MED12L: variants seen among roughly 807,000 people sequenced by gnomAD.
The protein encoded by MED12L is mediator of RNA polymerase II transcription subunit 12-like protein.
In MED12L, 60 loss-of-function variants were observed where a neutral mutation model predicts 281.3. The observed-to-expected ratio is 0.21, with a 90% CI of 0.17 to 0.26. The LOEUF (loss-of-function observed/expected upper bound fraction) is 0.26, where lower values mean the gene tolerates loss of function less well. MED12L is among the 10% of genes least tolerant of loss of function. The pLI is 1.00. For missense variants in MED12L, 2,146 were observed against 2,680.9 expected (o/e 0.80, Z 4.41); for synonymous variants, 974 against 987.2 (o/e 0.99, Z 0.25).
rs111616407 is a variant in MED12L at position 151,392,451 on chromosome 3, C to T, written c.5609-2205C>T. ...TTGCACTCCACCCTGGGTGACAGAG[C>T]GAGACTCCATCTCAAGAAAAAAAAA... On this transcript the variant is annotated intron_variant, in intron 38 of 44. Coordinates refer to ENST00000687756, the MANE Select transcript of MED12L (RefSeq NM_001393769.1). Among the ~76,000 whole-genome samples, 5 of 130,302 alleles carry T rather than the reference C, an allele frequency of 3.8e-5. No individual in the cohort carries two copies. In the South Asian group the frequency reaches 7.2e-4, roughly 19 times the overall value. 85.5% of individuals were successfully genotyped at this position (130,302 alleles called of 152,430 possible).
intron 43 of MED12L, among the ~76,000 whole-genome samples, chr3:151,416,977 T>C (rs779078618): frequency 1.3e-5 from 2 of 152,246 alleles, no homozygotes; most frequent in Non-Finnish European, 2.9e-5. Flanking sequence ...CTCAGTCATT[T>C]ACAACAGCCA....
At chr3:151,136,201 A>G (rs1716113973) in intron 5 of MED12L, among the ~76,000 whole-genome samples, 1 of 152,216 alleles carries the variant, frequency 6.6e-6, no homozygotes, top group Non-Finnish European at 1.5e-5. Flanking sequence ...AATTTGTGAC[A>G]TATTCACTGA....
chr3:151,310,368 T>C (rs1471014568), intron 16 of MED12L, among the ~76,000 whole-genome samples: 1 of 152,242 alleles, frequency 6.6e-6, no homozygotes, highest in Non-Finnish European at 1.5e-5. Context: ...TGTTGTCTTA[T>C]CCTGCCTCTG....
intron 32 of MED12L, among the ~76,000 whole-genome samples, chr3:151,380,554 G>A (rs943010344): frequency 7.4e-5 from 11 of 148,730 alleles, no homozygotes; most frequent in South Asian, 2.1e-4. Context: ...CTGAGATCGC[G>A]CCATTGCACA....
chr3:151,152,085 G>GTTTTTTTTTTTTTT lies in MED12L; in HGVS notation c.557-4058_557-4045dup, dbSNP rs141353889. 1.3e-4 allele frequency among the ~76,000 whole-genome samples: 8 copies of GTTTTTTTTTTTTTT among 63,020 alleles called. 2 individuals carry two copies. The highest frequency in any genetic ancestry group is 5.0e-4 in the African/African-American group (8 of 16,010). 41.3% of individuals were successfully genotyped at this position (63,020 alleles called of 152,430 possible). A position where few individuals can be genotyped will look rare whatever the true frequency, so the allele number is the denominator to read the frequency against. ...AAGAATTGTGGATCAGTTGAAGGTG[G>GTTTTTTTTTTTTTT]TTTTTTTTTTTTTTTTTTTTTTTTT... On this transcript the variant is annotated intron_variant, in intron 5 of 44. Coordinates refer to ENST00000687756, the MANE Select transcript of MED12L (RefSeq NM_001393769.1).
intron 16 of MED12L, chr3:151,212,647 A>G (rs1294958372): frequency 2.6e-5 from 4 of 152,034 alleles, no homozygotes. Context: ...CATATTTAGC[A>G]TGTATCTAAT....
At chr3:151,350,766 C>T (rs73006587) in intron 17 of MED12L, among the ~76,000 whole-genome samples, 4,179 of 152,242 alleles carry the variant, frequency 0.027, 184 homozygotes, top group African/African-American at 0.096. Context: ...TTGATCTTTG[C>T]TCTATAATGT....
chr3:151,132,144 A>G (rs1457011608), intron 5 of MED12L, among the ~76,000 whole-genome samples: 2 of 152,222 alleles, frequency 1.3e-5, no homozygotes, highest in Non-Finnish European at 2.9e-5. Context: ...CCAAAGGCTA[A>G]AAAGAGAAAT....
At chr3:151,237,761 T>A (rs1358864448) in intron 16 of MED12L, among the ~76,000 whole-genome samples, 1 of 152,192 alleles carries the variant, frequency 6.6e-6, no homozygotes, top group Non-Finnish European at 1.5e-5. Context: ...GATTAAAAAT[T>A]TTTTTCTTAT....
chr3:151,247,761 TA>T (rs71138490), intron 16 of MED12L, among the ~76,000 whole-genome samples: 42,465 of 143,968 alleles, frequency 0.29, 6,180 homozygotes, highest in Non-Finnish European at 0.31. Context: ...TAATGTATAA[TA>T]AAAAAAAAAA....
At chr3:151,299,356 CTTTCTTTTCTTTTCT>C (rs71138493) in intron 16 of MED12L, among the ~76,000 whole-genome samples, 3,438 of 94,306 alleles carry the variant, frequency 0.036, 176 homozygotes, top group African/African-American at 0.13. Flanking sequence ...TTCCTTCCTT[CTTTCTTTTCTTTTCT>C]TTTCTTTTCT....
chr3:151,165,212 G>A (rs1377043384), intron 9 of MED12L, among the ~76,000 whole-genome samples: 1 of 152,074 alleles, frequency 6.6e-6, no homozygotes, highest in Non-Finnish European at 1.5e-5. Flanking sequence ...ATTTATTTTT[G>A]TGAACATTTA....
chr3:151,283,647 C>T (rs1036482147), intron 16 of MED12L, among the ~76,000 whole-genome samples: 2 of 152,162 alleles, frequency 1.3e-5, no homozygotes, highest in Non-Finnish European at 2.9e-5. Context: ...GTTTTGTACC[C>T]GTGATGTTCA....
chr3:151,156,940 G>A lies in MED12L; in HGVS notation c.726+610G>A, dbSNP rs368337677. The stretch of plus-strand genomic sequence containing the variant: ...AGTGCCTGTTATCTTGATTAAAGAG[G>A]GAGGGGACATGTGGTTTCTAAATTT... On this transcript the variant is annotated intron_variant, in intron 6 of 44. Transcript: ENST00000687756. Among the ~76,000 whole-genome samples the A allele has an allele frequency of 1.6e-3, 237 of 152,238 alleles. 5 individuals are homozygous for A. The South Asian group carries it at 0.043, about 28-fold the overall frequency.
At chr3:151,153,245 G>T (rs1718800900) in intron 5 of MED12L, among the ~76,000 whole-genome samples, 1 of 152,168 alleles carries the variant, frequency 6.6e-6, no homozygotes, top group Non-Finnish European at 1.5e-5. Context: ...AACAAGGAAG[G>T]AATAGTGGTT....
chr3:151,305,230 G>T (rs1212199206), intron 16 of MED12L, among the ~76,000 whole-genome samples: 2 of 152,180 alleles, frequency 1.3e-5, no homozygotes, highest in Non-Finnish European at 2.9e-5. Context: ...TCCCGGGCGG[G>T]AATCCTGCCC....
chr3:151,157,749 T>A (rs1719468287), intron 6 of MED12L, among the ~76,000 whole-genome samples: 1 of 152,208 alleles, frequency 6.6e-6, no homozygotes, highest in Non-Finnish European at 1.5e-5. Context: ...AGTGTAATAT[T>A]TTCACATGAA....
In MED12L at chr3:151,188,428, T is replaced by C. The variant is rs1723548056; in HGVS notation, c.1701T>C (p.Pro567=). Residue 567 remains proline, a synonymous_variant, in exon 13 of 45, where the codon CCT becomes CCC. Coordinates refer to ENST00000687756, the MANE Select transcript of MED12L (RefSeq NM_001393769.1). ...CCTCTCTTGCTGGATCCAGTTTGCC[T>C]GTTTTCCAGAATGTGCTGTTAAGGT... is the stretch of plus-strand genomic sequence containing the variant. ...SSSSLAGSSL[P]VFQNVLLRFL... is the part of the protein sequence containing the mutation. The C allele has an allele frequency of 1.2e-6, 2 of 1,613,474 alleles. No individual in the cohort carries two copies. The highest frequency in any genetic ancestry group is 1.7e-6 in the Non-Finnish European group (2 of 1,179,558).
intron 16 of MED12L, among the ~76,000 whole-genome samples, chr3:151,267,096 G>A (rs556332447): frequency 3.3e-5 from 5 of 152,268 alleles, no homozygotes; most frequent in African/African-American, 1.2e-4. Context: ...CATTTCTTGC[G>A]TGTTAGAACT....
Sources: gnomAD v4.1 joint callset for allele counts (sites outside exome capture counted in the v4.1 genomes callset) on GRCh38, gnomAD v4.1.1 for gene constraint, MANE v1.5 for transcripts, NCBI Gene and HGNC (gene_info 2026-07-23, HGNC 2026-07-21) for gene names.